MMS22L: variants seen among roughly 807,000 people sequenced by gnomAD.
MMS22L encodes protein MMS22-like.
In MMS22L, 74 loss-of-function variants were observed where a neutral mutation model predicts 159.1. The ratio of observed to expected loss-of-function variants is 0.47; its 90% CI spans 0.39 to 0.56. The LOEUF (loss-of-function observed/expected upper bound fraction) is 0.56, where lower values mean the gene tolerates loss of function less well. Ranked by LOEUF, MMS22L falls within the 20% of genes least tolerant of loss-of-function variation. The pLI is 0.00. For missense variants in MMS22L, 1,351 were observed against 1,422.1 expected, an observed-to-expected ratio of 0.95 and a Z score of 0.80; for synonymous variants, 517 against 506.9, an observed-to-expected ratio of 1.02 and a Z score of -0.27.
chr6:97,239,956 A>T (rs1454975125), intron 11 of MMS22L, among the ~76,000 whole-genome samples: 1 of 152,222 alleles, frequency 6.6e-6, no homozygotes, highest in African/African-American at 2.4e-5. Context: ...GTGTACACTA[A>T]TTTTATTTGA....
chr6:97,199,315 A>T (rs370588290), intron 14 of MMS22L, among the ~76,000 whole-genome samples: 2 of 152,300 alleles, frequency 1.3e-5, no homozygotes, highest in South Asian at 2.1e-4. Flanking sequence ...TTTTATAAAT[A>T]AAGGGTCTAA....
intron 14 of MMS22L, among the ~76,000 whole-genome samples, chr6:97,210,331 T>G (rs1808242070): frequency 6.6e-6 from 1 of 151,958 alleles, no homozygotes. Context: ...CCCCTTCACT[T>G]TGAATCTTTG....
intron 18 of MMS22L, 124 bp from the exon 19 acceptor site, chr6:97,173,346 T>C (rs1803759049): frequency 2.7e-6 from 2 of 751,520 alleles, no homozygotes; most frequent in Non-Finnish European, 2.1e-6. Context: ...TAAGCCTTCA[T>C]TTGTAACCTT....
At chr6:97,160,738 G>A (rs952188405) in intron 22 of MMS22L, among the ~76,000 whole-genome samples, 4 of 151,620 alleles carry the variant, frequency 2.6e-5, no homozygotes, top group Admixed American at 2.6e-4. Flanking sequence ...TGTATATATG[G>A]TGCACTTAAT....
intron 14 of MMS22L, among the ~76,000 whole-genome samples, chr6:97,208,875 C>T (rs532691697): frequency 6.6e-6 from 1 of 152,136 alleles, no homozygotes; most frequent in South Asian, 2.1e-4. Flanking sequence ...ATTCATCAGA[C>T]TAGTTTGTAT....
intron 7 of MMS22L, 129 bp from the exon 8 acceptor site, chr6:97,268,131 T>C (rs1432855304): frequency 1.1e-5 from 7 of 636,970 alleles, no homozygotes; most frequent in Non-Finnish European, 1.5e-5. Context: ...GCAAATAAAA[T>C]ATGAATTTGA....
At chr6:97,259,069 TTG>T (rs1323020680) in intron 9 of MMS22L, 1 of 152,156 alleles carries the variant, frequency 6.6e-6, no homozygotes, top group African/African-American at 2.4e-5. Flanking sequence ...TCTCAATAGT[TTG>T]TCTTTCCAGT....
intron 8 of MMS22L, chr6:97,264,571 G>C (rs1357631912): frequency 6.6e-6 from 1 of 151,974 alleles, no homozygotes; most frequent in Non-Finnish European, 1.5e-5. Flanking sequence ...GCAAAAGAAA[G>C]AAAAGGCATC....
At chr6:97,147,931 T>A (rs1282340511) in intron 24 of MMS22L, among the ~76,000 whole-genome samples, 1 of 152,144 alleles carries the variant, frequency 6.6e-6, no homozygotes, top group Non-Finnish European at 1.5e-5. Flanking sequence ...TAATAAAAAA[T>A]TTTTGTCTAA....
At chr6:97,197,666 T>C (rs562481649) in intron 14 of MMS22L, among the ~76,000 whole-genome samples, 1 of 152,276 alleles carries the variant, frequency 6.6e-6, no homozygotes, top group South Asian at 2.1e-4. Context: ...CAAAATGTTA[T>C]GTATTGAATT....
intron 12 of MMS22L, among the ~76,000 whole-genome samples, chr6:97,232,294 C>T (rs71562326): frequency 0.04 from 6,130 of 152,178 alleles, 142 homozygotes; most frequent in Middle Eastern, 0.071. Flanking sequence ...TAACAGTTTT[C>T]GTAGCATTGA....
intron 9 of MMS22L, chr6:97,261,726 T>C (rs537191629): frequency 1.3e-5 from 2 of 152,304 alleles, no homozygotes; most frequent in African/African-American, 4.8e-5. Context: ...TTTGCTGTTC[T>C]ATATTTTGTT....
At chr6:97,248,985 A>C (rs1341613469) in intron 10 of MMS22L, among the ~76,000 whole-genome samples, 1 of 152,034 alleles carries the variant, frequency 6.6e-6, no homozygotes. Flanking sequence ...TAATCTAACT[A>C]TGTGATAGAG....
At chr6:97,257,036 G>A (rs1299260900) in intron 9 of MMS22L, among the ~76,000 whole-genome samples, 2 of 152,154 alleles carry the variant, frequency 1.3e-5, no homozygotes, top group Admixed American at 1.3e-4. Context: ...TGATTCCACT[G>A]TGATGTTATC....
At chr6:97,151,717 G>A (rs1324072346) in intron 23 of MMS22L, 54 bp downstream of exon 23, 2 of 1,320,300 alleles carry the variant, frequency 1.5e-6, no homozygotes, top group Admixed American at 3.4e-5. Context: ...AAACATGTTG[G>A]CTGTCAAATG....
intron 12 of MMS22L, among the ~76,000 whole-genome samples, chr6:97,232,275 C>T (rs753383515): frequency 2.0e-5 from 3 of 152,102 alleles, no homozygotes; most frequent in Non-Finnish European, 2.9e-5. Flanking sequence ...GTCCCACAAG[C>T]CTTTTACTTA....
chr6:97,212,509 C>G (rs531635349), intron 14 of MMS22L, among the ~76,000 whole-genome samples: 1 of 152,282 alleles, frequency 6.6e-6, no homozygotes, highest in South Asian at 2.1e-4. Flanking sequence ...GAAACCAACA[C>G]ACAGTAATGA....
At chr6:97,223,556 T>A (rs1189582269) in intron 14 of MMS22L, among the ~76,000 whole-genome samples, 1 of 152,124 alleles carries the variant, frequency 6.6e-6, no homozygotes, top group Non-Finnish European at 1.5e-5. Flanking sequence ...AAAACTACTA[T>A]CAAAAAATCT....
At chr6:97,212,259 C>T (rs1308239238) in intron 14 of MMS22L, among the ~76,000 whole-genome samples, 4 of 152,118 alleles carry the variant, frequency 2.6e-5, no homozygotes, top group African/African-American at 9.7e-5. Context: ...CTGGAAAATA[C>T]AGACATTTCT....
Sources: allele counts gnomAD v4.1 joint callset (sites outside exome capture counted in the v4.1 genomes callset), GRCh38; gene constraint gnomAD v4.1.1; transcripts MANE v1.5; gene names NCBI Gene and HGNC (gene_info 2026-07-23, HGNC 2026-07-21).